Variants in RNF150 observed in about 807,000 individuals in gnomAD.
RNF150 encodes ring finger protein 150.
A neutral mutation model predicts 39.3 loss-of-function variants in RNF150; 24 were observed. The ratio of observed to expected loss-of-function variants is 0.61; its 90% CI spans 0.44 to 0.86. The LOEUF is 0.86. RNF150 is among the 40% of genes least tolerant of loss of function. The pLI is 0.00. For missense variants in RNF150, 502 were observed against 587.8 expected (o/e 0.85, Z 1.51); for synonymous variants, 255 against 227.3 (o/e 1.12, Z -1.10).
chr4:141,034,345 C>T (rs888006321), intron 1 of RNF150, among the ~76,000 whole-genome samples: 5 of 152,178 alleles, frequency 3.3e-5, no homozygotes, highest in Non-Finnish European at 7.3e-5. Flanking sequence ...TAGGGTCTTG[C>T]TCTGGATTAG....
intron 1 of RNF150, among the ~76,000 whole-genome samples, chr4:141,075,476 A>T (rs1206090728): frequency 1.3e-5 from 2 of 152,250 alleles, no homozygotes; most frequent in African/African-American, 4.8e-5. Flanking sequence ...TATGTTTACT[A>T]ATTAGAATTA....
chr4:140,932,931 T>C (rs1731708688), intron 4 of RNF150, among the ~76,000 whole-genome samples: 1 of 152,232 alleles, frequency 6.6e-6, no homozygotes, highest in Non-Finnish European at 1.5e-5. Context: ...TGACACACAG[T>C]GAACACAAAG....
intron 1 of RNF150, among the ~76,000 whole-genome samples, chr4:141,089,624 A>C (rs1050340011): frequency 1.3e-5 from 2 of 152,178 alleles, no homozygotes; most frequent in African/African-American, 4.8e-5. Flanking sequence ...TACTGTGTAG[A>C]TATCTACCCA....
rs116345241 is a variant in RNF150, at chr4:140,892,396, G to A, written c.1198+18748C>T. ...TCTGCCAAATGCCTCCGCTTGTAGTGATGCAACAACAAGGGAGGGGAAGGA... is the reference window on the plus strand; with the variant it reads ...TCTGCCAAATGCCTCCGCTTGTAGTAATGCAACAACAAGGGAGGGGAAGGA... On this transcript the variant is annotated intron_variant, in intron 6 of 6. Transcript: ENST00000515673. Among the ~76,000 whole-genome samples, 443 of 152,296 alleles carry A rather than the reference G, an allele frequency of 2.9e-3. 2 individuals are homozygous for A. The highest frequency in any genetic ancestry group is 0.01 in the African/African-American group (433 of 41,550).
At chr4:140,939,256 CTG>C (rs1731984634) in intron 4 of RNF150, among the ~76,000 whole-genome samples, 2 of 152,246 alleles carry the variant, frequency 1.3e-5, no homozygotes, top group East Asian at 1.9e-4. Flanking sequence ...TCATATGAAA[CTG>C]TTTAAAAAAT....
At chr4:141,143,374 C>A (rs559247771) in intron 1 of RNF150, among the ~76,000 whole-genome samples, 9 of 152,250 alleles carry the variant, frequency 5.9e-5, no homozygotes, top group Admixed American at 2.0e-4. Flanking sequence ...GTTTTTTATT[C>A]CTTGCTTTCC....
At chr4:141,027,885 A>G (rs1320572485) in intron 1 of RNF150, among the ~76,000 whole-genome samples, 1 of 137,910 alleles carries the variant, frequency 7.3e-6, no homozygotes, top group East Asian at 2.1e-4. Flanking sequence ...CTTAAAGATC[A>G]TTAGATAGTT....
chr4:140,864,265 T>C lies in RNF150; in HGVS notation c.*3996A>G, dbSNP rs1728615334. 1 of 152,212 alleles carries C rather than the reference T, an allele frequency of 6.6e-6. No individual in the cohort carries two copies. Among genetic ancestry groups the C allele is most frequent in the Non-Finnish European group, 1.5e-5 (1 of 68,048 alleles). The allele number at this position is 152,212 out of a possible 1,614,324, so 9.4% of individuals were successfully genotyped here. ...CAGACTCTACCTCTCCCTGTGTAGA[T>C]GACCAGAGTTGACACTGCAGGGGAT... On this transcript the variant is annotated 3_prime_UTR_variant, in exon 7 of 7. Coordinates refer to ENST00000515673, the MANE Select transcript of RNF150 (RefSeq NM_020724.2).
rs765980850 is a variant in RNF150, at chr4:141,132,647, G to C, written c.162C>G (p.Asp54Glu). Residue 54 changes from aspartate to glutamate, a missense_variant, in exon 1 of 7, where the codon GAC (aspartate) becomes GAG (glutamate). Transcript: ENST00000515673. The surrounding 1 kb of genome is among the most constrained non-coding windows in gnomAD (Gnocchi z 4.9). ...VNITYAEPAP[D>E]PGAGAAGGGG... ...CGCCGCCCGCCGCCCCGGCCCCGGG[G>C]TCCGGCGCGGGCTCGGCGTAGGTGA... The C allele has an allele frequency of 4.4e-6, 7 of 1,600,528 alleles. No individual in the cohort carries two copies. In the African/African-American group the frequency reaches 9.6e-5, roughly 22 times the overall value.
chr4:141,167,194 G>A (rs1311324395), intron 1 of RNF150, among the ~76,000 whole-genome samples: 2 of 152,104 alleles, frequency 1.3e-5, no homozygotes, highest in East Asian at 1.9e-4. Context: ...TCCATTCACA[G>A]TTGCTACAAA....
intron 6 of RNF150, among the ~76,000 whole-genome samples, chr4:140,886,190 C>CAAAAAAAAAAA (rs1171164182): frequency 2.7e-5 from 2 of 73,346 alleles, no homozygotes; most frequent in Admixed American, 1.8e-4. Flanking sequence ...GACTCCATCA[C>CAAAAAAAAAAA]AAAAAAAAAA....
At chr4:141,200,904 T>C (rs1490008884) in intron 1 of RNF150, among the ~76,000 whole-genome samples, 2 of 152,136 alleles carry the variant, frequency 1.3e-5, no homozygotes, top group African/African-American at 4.8e-5. Context: ...CAGTACCATA[T>C]GTATTGGGAA....
chr4:141,087,643 A>C (rs1198822077), intron 1 of RNF150, among the ~76,000 whole-genome samples: 1 of 152,172 alleles, frequency 6.6e-6, no homozygotes, highest in Non-Finnish European at 1.5e-5. Flanking sequence ...TTTTAAGATC[A>C]TTCAAGCGTT....
intron 1 of RNF150, among the ~76,000 whole-genome samples, chr4:140,971,495 G>A (rs1387991565): frequency 6.6e-6 from 1 of 152,080 alleles, no homozygotes; most frequent in Non-Finnish European, 1.5e-5. Flanking sequence ...AATTATATCA[G>A]CCTACTATCT....
intron 1 of RNF150, among the ~76,000 whole-genome samples, chr4:140,992,784 C>T (rs1734241181): frequency 6.6e-6 from 1 of 152,112 alleles, no homozygotes; most frequent in Admixed American, 6.5e-5. Context: ...GTTGGCCATC[C>T]TAGACGGAGA....
intron 1 of RNF150, among the ~76,000 whole-genome samples, chr4:141,211,001 G>A (rs1728454809): frequency 6.6e-6 from 1 of 152,144 alleles, no homozygotes; most frequent in Admixed American, 6.5e-5. Flanking sequence ...TTAGTTAACT[G>A]TGATTATGAT....
intron 5 of RNF150, among the ~76,000 whole-genome samples, chr4:140,914,668 C>T (rs1027942887): frequency 2.0e-5 from 3 of 151,804 alleles, no homozygotes; most frequent in African/African-American, 7.3e-5. Flanking sequence ...CAGACCTACA[C>T]CTGACTGGAT....
chr4:140,938,648 T>A (rs1731954899), intron 4 of RNF150, among the ~76,000 whole-genome samples: 1 of 152,182 alleles, frequency 6.6e-6, no homozygotes, highest in East Asian at 1.9e-4. Flanking sequence ...ATTAGCTCAG[T>A]AAACCTTACT....
chr4:141,017,229 C>G (rs1160107524), intron 1 of RNF150, among the ~76,000 whole-genome samples: 1 of 152,184 alleles, frequency 6.6e-6, no homozygotes, highest in Non-Finnish European at 1.5e-5. Flanking sequence ...CAAAAACCAG[C>G]TGCTTTTCCT....
Sources: gnomAD v4.1 joint callset for allele counts (sites outside exome capture counted in the v4.1 genomes callset) on GRCh38, gnomAD v4.1.1 for gene constraint, Gnocchi (gnomAD v3.1) non-coding constraint, MANE v1.5 for transcripts, NCBI Gene and HGNC (gene_info 2026-07-23, HGNC 2026-07-21) for gene names.